The following PPFIA4 variants were observed in gnomAD, a reference collection of about 807,000 sequenced individuals.
PPFIA4 encodes liprin-alpha-4.
PPFIA4 carries 98 observed loss-of-function variants against 145.7 expected under a neutral mutation model. The observed-to-expected ratio is 0.67, with a 90% CI of 0.57 to 0.80. The LOEUF (loss-of-function observed/expected upper bound fraction) is 0.80, where lower values mean the gene tolerates loss of function less well. PPFIA4 is among the 30% of genes least tolerant of loss of function. The pLI, the probability that PPFIA4 is intolerant of heterozygous loss-of-function variation, is 0.00. For missense variants in PPFIA4, 1,457 were observed against 1,632.7 expected (o/e 0.89, Z 1.85); for synonymous variants, 628 against 649.6 (o/e 0.97, Z 0.51).
At chr1:203,049,242 C>T (rs1406405629) in intron 12 of PPFIA4, among the ~76,000 whole-genome samples, 1 of 152,182 alleles carries the variant, frequency 6.6e-6, no homozygotes, top group Non-Finnish European at 1.5e-5. Context: ...GGGCTCCACC[C>T]CAGGATTTGG....
At chr1:203,035,298 T>C (rs1010180526) in intron 1 of PPFIA4, 2 of 456,590 alleles carry the variant, frequency 4.4e-6, no homozygotes, top group African/African-American at 2.0e-5. Flanking sequence ...TGTCCAGCTC[T>C]CTCCGTGGCC....
Position 203,060,441 on chromosome 1 carries a change from G to A in PPFIA4, c.2784+24G>A. 6.2e-7 allele frequency: 1 copy of A among 1,608,908 alleles called. No individual in the cohort carries two copies. The highest frequency in any genetic ancestry group is 1.3e-5 in the African/African-American group (1 of 75,018). On this transcript the variant is annotated intron_variant, in intron 22 of 29. Coordinates refer to ENST00000295706, the MANE Select transcript of PPFIA4 (RefSeq NM_001304331.2). This position sits in a 1 kb window ranked among gnomAD's most constrained non-coding sequence, Gnocchi z 4.8. Reference sequence around the variant, plus strand: ...CTGTGAGTGGCCCCTCCTTTGCCCAGGACATTTTCAGAGGTCCTGGAACAT... The same window carrying A: ...CTGTGAGTGGCCCCTCCTTTGCCCAAGACATTTTCAGAGGTCCTGGAACAT...
At position 203,056,386 on chromosome 1, in the gene PPFIA4, T is replaced by G; in HGVS notation, c.2118T>G (p.Ser706=). 6.2e-7 allele frequency: 1 copy of G among 1,613,910 alleles called. No individual in the cohort carries two copies. Among genetic ancestry groups the G allele is most frequent in the Non-Finnish European group, 8.5e-7 (1 of 1,179,838 alleles). Residue 706 remains serine, a synonymous_variant, in exon 18 of 30, where the codon TCT becomes TCG. Coordinates refer to ENST00000295706, the MANE Select transcript of PPFIA4 (RefSeq NM_001304331.2). The stretch of plus-strand genomic sequence containing the variant: ...CACTGTCTGTTCAGTCGCCAGTGTC[T>G]CGGGAAGAGAACCGAGAGGATAAAG... ...KHRRKLLSPV[S]REENREDKAT... is the part of the protein sequence containing the mutation.
chr1:203,041,855 C>A (rs1169464083), intron 2 of PPFIA4, among the ~76,000 whole-genome samples: 2 of 152,144 alleles, frequency 1.3e-5, no homozygotes, highest in Non-Finnish European at 2.9e-5. Flanking sequence ...TGTGTTTGTG[C>A]ATAAGCTGAG....
chr1:203,072,630 G>C (rs1386285791), intron 28 of PPFIA4, among the ~76,000 whole-genome samples: 1 of 152,162 alleles, frequency 6.6e-6, no homozygotes, highest in East Asian at 1.9e-4. Context: ...CAAGTTAAAA[G>C]AAAGCCCAGA....
Position 203,060,522 on chromosome 1 carries a change from C to T in PPFIA4, c.2784+105C>T, listed in dbSNP as rs1661288308. 1 of 1,182,482 alleles carries T rather than the reference C, an allele frequency of 8.5e-7. No individual in the cohort carries two copies. Among genetic ancestry groups the T allele is most frequent in the Middle Eastern group, 2.1e-4 (1 of 4,694 alleles). 73.2% of individuals were successfully genotyped at this position (1,182,482 alleles called of 1,614,324 possible). On this transcript the variant is annotated intron_variant, in intron 22 of 29. Transcript: ENST00000295706. This position sits in a 1 kb window ranked among gnomAD's most constrained non-coding sequence, Gnocchi z 4.8. ...AAGATGGCAGCATTGAGCCCTGCCC[C>T]TTCCTTCCCATCCTCACAAAGGGCT...
At chr1:203,069,107 A>G (rs1395096319) in intron 27 of PPFIA4, among the ~76,000 whole-genome samples, 1 of 152,168 alleles carries the variant, frequency 6.6e-6, no homozygotes, top group African/African-American at 2.4e-5. Context: ...ACCAAATTAC[A>G]CAACCCAGAG....
intron 19 of PPFIA4, among the ~76,000 whole-genome samples, chr1:203,057,850 G>A (rs1161176618): frequency 6.6e-6 from 1 of 152,218 alleles, no homozygotes; most frequent in Non-Finnish European, 1.5e-5. Context: ...GGGCCACATA[G>A]GAATTAGCCG....
At chr1:203,039,821 T>C (rs1459217289) in intron 2 of PPFIA4, among the ~76,000 whole-genome samples, 3 of 152,186 alleles carry the variant, frequency 2.0e-5, no homozygotes, top group African/African-American at 4.8e-5. Context: ...CTCACTAAAC[T>C]CTTACAACCC....
At chr1:203,037,628 G>T (rs899612360) in intron 1 of PPFIA4, among the ~76,000 whole-genome samples, 1 of 152,136 alleles carries the variant, frequency 6.6e-6, no homozygotes, top group African/African-American at 2.4e-5. Context: ...TTACTTCATC[G>T]CCGGCTTCCT....
intron 17 of PPFIA4, 82 bp downstream of exon 17, chr1:203,056,237 T>TTGAGTC (rs1201468624): frequency 6.2e-7 from 1 of 1,605,672 alleles, no homozygotes; most frequent in African/African-American, 1.3e-5. Flanking sequence ...CCCAGGGCCC[T>TTGAGTC]TGAGTCTGAG....
chr1:203,031,183 G>A (rs1014278481), intron 1 of PPFIA4, among the ~76,000 whole-genome samples: 1 of 152,186 alleles, frequency 6.6e-6, no homozygotes, highest in Non-Finnish European at 1.5e-5. Context: ...TCAGTCTCCC[G>A]AGTAGCTGGG....
chr1:203,046,768 G>T (rs939133789), intron 9 of PPFIA4, among the ~76,000 whole-genome samples: 1 of 151,756 alleles, frequency 6.6e-6, no homozygotes, highest in African/African-American at 2.4e-5. Flanking sequence ...TGAAACCTTA[G>T]AAGAGAAATG....
chr1:203,026,792 G>A (rs2102595325), intron 1 of PPFIA4, among the ~76,000 whole-genome samples, 163 bp downstream of exon 1: 1 of 152,308 alleles, frequency 6.6e-6, no homozygotes, highest in Admixed American at 6.5e-5. Context: ...TTACCCTGCC[G>A]CCCCTCGCCC....
chr1:203,076,176 G>A, intron 29 of PPFIA4, 165 bp from the exon 30 acceptor site: 1 of 763,228 alleles, frequency 1.3e-6, no homozygotes, highest in Non-Finnish European at 2.2e-6. Context: ...CTCCAGTCCC[G>A]CTTACCAGCA....
At chr1:203,056,687 T>C in intron 18 of PPFIA4, 97 bp from the exon 19 acceptor site, 5 of 1,302,574 alleles carry the variant, frequency 3.8e-6, no homozygotes, top group Non-Finnish European at 5.4e-6. Context: ...AGTTCTGACT[T>C]AATAGAAGTT....
At chr1:203,028,365 G>C (rs540568345) in intron 1 of PPFIA4, among the ~76,000 whole-genome samples, 2 of 152,304 alleles carry the variant, frequency 1.3e-5, no homozygotes, top group East Asian at 3.9e-4. Flanking sequence ...GTTGGAAAGA[G>C]TTGTCAGGGA....
At chr1:203,029,041 C>A (rs1348909309) in intron 1 of PPFIA4, among the ~76,000 whole-genome samples, 1 of 151,988 alleles carries the variant, frequency 6.6e-6, no homozygotes. Flanking sequence ...GGGCCTGAGG[C>A]AACTGAGAAT....
rs753391903 is a variant in PPFIA4 at position 203,060,343 on chromosome 1, C to A, written c.2710C>A (p.Arg904=). The change falls in exon 22 of 30, where the codon CGG becomes AGG. Residue 904 remains arginine (R), a synonymous_variant. Coordinates refer to ENST00000295706, the MANE Select transcript of PPFIA4 (RefSeq NM_001304331.2). This position sits in a 1 kb window ranked among gnomAD's most constrained non-coding sequence, Gnocchi z 4.8. ...REIGISNALH[R]LKLRLAIQEM... The stretch of plus-strand genomic sequence containing the variant: ...GATCGGCATCAGCAATGCCCTGCAC[C>A]GGCTCAAGCTCCGCCTGGCCATTCA... 45 of 1,613,928 alleles carry A rather than the reference C, an allele frequency of 2.8e-5. No homozygotes were observed. The highest frequency in any genetic ancestry group is 3.7e-5 in the Non-Finnish European group (44 of 1,179,938).
Sources: allele counts gnomAD v4.1 joint callset (sites outside exome capture counted in the v4.1 genomes callset), GRCh38; gene constraint gnomAD v4.1.1; non-coding constraint Gnocchi (gnomAD v3.1); transcripts MANE v1.5; gene names NCBI Gene and HGNC (gene_info 2026-07-23, HGNC 2026-07-21).